XPO5: variants seen among roughly 807,000 people sequenced by gnomAD.
XPO5 encodes the protein exportin 5.
A neutral mutation model predicts 160.6 loss-of-function variants in XPO5; 46 were observed. The observed-to-expected ratio is 0.29, with a 90% CI of 0.23 to 0.37. The LOEUF is 0.37. Ranked by LOEUF, XPO5 falls within the 10% of genes least tolerant of loss-of-function variation. The pLI, the probability that XPO5 is intolerant of heterozygous loss-of-function variation, is 1.00. For missense variants in XPO5, 1,090 were observed against 1,463.9 expected, an observed-to-expected ratio of 0.74 and a Z score of 4.17; for synonymous variants, 537 against 519.3, an observed-to-expected ratio of 1.03 and a Z score of -0.46.
intron 22 of XPO5, among the ~76,000 whole-genome samples, chr6:43,531,183 G>A (rs1457634728): frequency 1.3e-5 from 2 of 152,160 alleles, no homozygotes; most frequent in Non-Finnish European, 2.9e-5. Flanking sequence ...GCAGTGTAGG[G>A]TCTAAGCAAT....
chr6:43,568,433 G>A (rs1027774202), intron 6 of XPO5, among the ~76,000 whole-genome samples: 2 of 151,802 alleles, frequency 1.3e-5, no homozygotes, highest in African/African-American at 4.8e-5. Flanking sequence ...GCAACACACT[G>A]AGACCCTGTT....
rs1458519150 is a variant in XPO5 at position 43,527,677 on chromosome 6, C to T, written c.2877G>A (p.Glu959=). 6 of 1,613,880 alleles carry T rather than the reference C, an allele frequency of 3.7e-6. No homozygotes were observed. In the African/African-American group the frequency reaches 8.0e-5, roughly 22 times the overall value. The change falls in exon 26 of 32, where the codon GAG becomes GAA. Residue 959 remains glutamate (E), a synonymous_variant. Coordinates refer to ENST00000265351, the MANE Select transcript of XPO5 (RefSeq NM_020750.3). ...ENPESQEMLE[E]QLVRMLTREV... is the part of the protein sequence containing the mutation. ...CTCGGGTTAACATCCTCACCAGTTGCTCCTCCAGCATCTCTTGAGACTCTG... is the reference window on the plus strand; with the variant it reads ...CTCGGGTTAACATCCTCACCAGTTGTTCCTCCAGCATCTCTTGAGACTCTG...
intron 8 of XPO5, 159 bp from the exon 9 acceptor site, chr6:43,562,505 C>T (rs1369367008): frequency 1.6e-6 from 1 of 610,570 alleles, no homozygotes; most frequent in African/African-American, 1.9e-5. Context: ...ATCTTTTTAA[C>T]TTATTTGGTG....
intron 14 of XPO5, among the ~76,000 whole-genome samples, chr6:43,551,776 C>T (rs541736411): frequency 5.3e-5 from 8 of 152,274 alleles, no homozygotes; most frequent in South Asian, 4.1e-4. Flanking sequence ...AGTGATCCTA[C>T]GGCCTCAGCC....
Position 43,536,680 on chromosome 6 carries a change from A to T in XPO5, c.2343-2673T>A, listed in dbSNP as rs535737920. On this transcript the variant is annotated intron_variant, in intron 20 of 31. Transcript: ENST00000265351. Reference sequence around the variant, plus strand: ...GAGGCTGAGGTAGGAGAATCGCTTGAACCCGGGAGGCAGAGGTTGCAGTGA... The same window carrying T: ...GAGGCTGAGGTAGGAGAATCGCTTGTACCCGGGAGGCAGAGGTTGCAGTGA... 2.1e-5 allele frequency among the ~76,000 whole-genome samples: 3 copies of T among 140,486 alleles called. No individual in the cohort carries two copies. In the South Asian group the frequency reaches 7.0e-4, roughly 33 times the overall value. 92.2% of individuals were successfully genotyped at this position (140,486 alleles called of 152,430 possible).
intron 20 of XPO5, among the ~76,000 whole-genome samples, chr6:43,534,632 GT>G (rs1794203686): frequency 6.6e-6 from 1 of 152,150 alleles, no homozygotes; most frequent in South Asian, 2.1e-4. Context: ...ATGGCTACAC[GT>G]TTAAGATGCA....
chr6:43,546,628 CG>C lies in XPO5; in HGVS notation c.2284del (p.Arg762ValfsTer9), dbSNP rs1436234582. 1 of 1,613,770 alleles carries C rather than the reference CG, an allele frequency of 6.2e-7. No homozygotes were observed. Among genetic ancestry groups the C allele is most frequent in the Non-Finnish European group, 8.5e-7 (1 of 1,179,882 alleles). ...GYTSSGNPIF[R>X]NPCTEQILKL... Reference sequence around the variant, plus strand: ...CAGAATCTGCTCTGTGCAGGGGTTACGGAAGATTGGATTTCCACTGGATGTA... The same window carrying C: ...CAGAATCTGCTCTGTGCAGGGGTTACGAAGATTGGATTTCCACTGGATGTA... On this transcript the variant is annotated frameshift_variant, in exon 20 of 32. Transcript: ENST00000265351. LOFTEE classifies it high-confidence loss of function.
intron 20 of XPO5, among the ~76,000 whole-genome samples, chr6:43,541,593 TCTC>T (rs1383295823): frequency 2.0e-5 from 3 of 152,080 alleles, no homozygotes; most frequent in African/African-American, 7.3e-5. Context: ...TACACTTTCT[TCTC>T]CTCTCCAACC....
chr6:43,541,780 T>A (rs1430388766), intron 20 of XPO5, among the ~76,000 whole-genome samples: 1 of 152,336 alleles, frequency 6.6e-6, no homozygotes, highest in South Asian at 2.1e-4. Context: ...ATCCAATACT[T>A]CTTTTTTTCT....
At chr6:43,567,382 A>G (rs1762750271) in intron 6 of XPO5, 28 bp from the exon 7 acceptor site, 1 of 1,572,748 alleles carries the variant, frequency 6.4e-7, no homozygotes, top group Non-Finnish European at 8.6e-7. Flanking sequence ...ACTTTGGACC[A>G]TGAAGTCCTC....
intron 31 of XPO5, 56 bp from the exon 32 acceptor site, chr6:43,524,061 AT>A: frequency 1.3e-6 from 2 of 1,587,106 alleles, no homozygotes; most frequent in South Asian, 2.2e-5. Context: ...TAGTTAAAAG[AT>A]TCTCTTGGCC....
intron 8 of XPO5, among the ~76,000 whole-genome samples, chr6:43,563,214 T>A (rs1762501455): frequency 6.6e-6 from 1 of 152,142 alleles, no homozygotes; most frequent in Non-Finnish European, 1.5e-5. Context: ...AGCCTCAAAC[T>A]AATGGGCTTC....
chr6:43,553,775 AAC>A (rs1217843337), intron 13 of XPO5: 2 of 375,434 alleles, frequency 5.3e-6, no homozygotes, highest in Non-Finnish European at 8.3e-6. Context: ...CTTGTAGTAA[AAC>A]CATTTTGAGT....
chr6:43,526,790 T>C (rs1793622092), intron 26 of XPO5, 43 bp from the exon 27 acceptor site: 2 of 1,599,072 alleles, frequency 1.3e-6, no homozygotes, highest in Non-Finnish European at 1.7e-6. Context: ...GGTGGGTATA[T>C]ACTACCACAA....
intron 28 of XPO5, 71 bp downstream of exon 28, chr6:43,525,768 G>C: frequency 6.6e-7 from 1 of 1,514,510 alleles, no homozygotes; most frequent in Non-Finnish European, 9.0e-7. Flanking sequence ...TAGCACCATA[G>C]AGCAAGAAAA....
intron 5 of XPO5, among the ~76,000 whole-genome samples, chr6:43,570,062 T>C (rs1762922644): frequency 7.1e-6 from 1 of 140,594 alleles, no homozygotes; most frequent in African/African-American, 2.7e-5. Context: ...CTCACACCTA[T>C]AATCCCAGCA....
chr6:43,531,444 G>A (rs1793973569), intron 22 of XPO5, 35 bp downstream of exon 22: 1 of 1,580,386 alleles, frequency 6.3e-7, no homozygotes, highest in East Asian at 2.2e-5. Flanking sequence ...ACATATCGAG[G>A]AAGAAAATAT....
At chr6:43,556,050 G>A (rs2127739027) in intron 12 of XPO5, 86 bp from the exon 13 acceptor site, 1 of 1,531,668 alleles carries the variant, frequency 6.5e-7, no homozygotes, top group Non-Finnish European at 8.8e-7. Flanking sequence ...TACCACCCTA[G>A]GGGAAAAGCA....
At chr6:43,567,041 A>G in intron 7 of XPO5, 128 bp downstream of exon 7, 1 of 917,312 alleles carries the variant, frequency 1.1e-6, no homozygotes, top group East Asian at 2.7e-5. Flanking sequence ...GGTTGGAAGC[A>G]GGCAGTAAGT....
Sources: gnomAD v4.1 joint callset for allele counts (sites outside exome capture counted in the v4.1 genomes callset) on GRCh38, gnomAD v4.1.1 for gene constraint, MANE v1.5 for transcripts, NCBI Gene and HGNC (gene_info 2026-07-23, HGNC 2026-07-21) for gene names.